The following WWOX variants were observed in gnomAD, a reference collection of about 807,000 sequenced individuals.
The protein encoded by WWOX is WW domain containing oxidoreductase, also known as WW domain-containing oxidoreductase.
A neutral mutation model predicts 46.2 loss-of-function variants in WWOX; 69 were observed. That is an observed-to-expected ratio of 1.49 (90% CI 1.23 to 1.82). The LOEUF (loss-of-function observed/expected upper bound fraction) is 1.82, where lower values mean the gene tolerates loss of function less well. Among genes scored for constraint, WWOX ranks in the 40% most tolerant of loss-of-function variants. The probability of loss-of-function intolerance (pLI) is 0.00; values close to 1 mark genes in which losing one functional copy is unlikely to be tolerated. For missense variants in WWOX, 919 were observed against 542.6 expected (o/e 1.69, Z -6.89); for synonymous variants, 359 against 202.6 (o/e 1.77, Z -6.56).
intron 8 of WWOX, among the ~76,000 whole-genome samples, chr16:78,860,420 T>A (rs1336485524): frequency 2.6e-5 from 4 of 152,172 alleles, no homozygotes; most frequent in Non-Finnish European, 5.9e-5. Context: ...TAGTATATAG[T>A]AGGCAGTCAA....
chr16:78,251,149 C>T (rs1268245911), intron 5 of WWOX, among the ~76,000 whole-genome samples: 1 of 152,174 alleles, frequency 6.6e-6, no homozygotes, highest in Admixed American at 6.5e-5. Context: ...AGTGGAATAA[C>T]TTGCCTAGTT....
At chr16:78,954,568 C>G (rs896880619) in intron 8 of WWOX, among the ~76,000 whole-genome samples, 1 of 152,184 alleles carries the variant, frequency 6.6e-6, no homozygotes, top group Non-Finnish European at 1.5e-5. Flanking sequence ...GGAGCAGCAG[C>G]GAAGGCCAAG....
intron 8 of WWOX, among the ~76,000 whole-genome samples, chr16:78,460,884 A>C (rs1254736264): frequency 6.6e-6 from 1 of 152,218 alleles, no homozygotes; most frequent in Non-Finnish European, 1.5e-5. Flanking sequence ...TGAGTTTGAA[A>C]GTGTTTTCTC....
chr16:78,814,007 C>A (rs1403487677), intron 8 of WWOX, among the ~76,000 whole-genome samples: 2 of 152,188 alleles, frequency 1.3e-5, no homozygotes. Context: ...AAGGCAACTG[C>A]TGTTTCTTTT....
chr16:78,153,227 G>C (rs767347363), intron 4 of WWOX, among the ~76,000 whole-genome samples: 11 of 152,170 alleles, frequency 7.2e-5, no homozygotes, highest in Non-Finnish European at 1.5e-4. Flanking sequence ...TGCAGATGTG[G>C]CATTGAGCAT....
intron 8 of WWOX, among the ~76,000 whole-genome samples, chr16:78,576,046 T>G (rs564030719): frequency 1.3e-5 from 2 of 152,282 alleles, no homozygotes; most frequent in Admixed American, 1.3e-4. Context: ...ATCTAGAATA[T>G]ATGGAAATCT....
intron 8 of WWOX, among the ~76,000 whole-genome samples, chr16:78,861,170 C>G (rs937060512): frequency 1.3e-5 from 2 of 151,800 alleles, no homozygotes; most frequent in African/African-American, 2.4e-5. Context: ...CTCTTTCTTC[C>G]TCTCTTTGCT....
At chr16:78,608,992 T>C (rs971024803) in intron 8 of WWOX, among the ~76,000 whole-genome samples, 5 of 152,192 alleles carry the variant, frequency 3.3e-5, no homozygotes, top group African/African-American at 1.2e-4. Context: ...CTGGGGAGCA[T>C]ATTTGATTCT....
chr16:78,316,546 T>C (rs2151879880), intron 5 of WWOX, among the ~76,000 whole-genome samples: 1 of 152,206 alleles, frequency 6.6e-6, no homozygotes, highest in Admixed American at 6.5e-5. Flanking sequence ...TTTTGCGGTG[T>C]TGGCCAGGCT....
At chr16:78,960,338 A>C (rs1279087299) in intron 8 of WWOX, among the ~76,000 whole-genome samples, 2 of 152,228 alleles carry the variant, frequency 1.3e-5, no homozygotes, top group African/African-American at 4.8e-5. Context: ...TGGTATATTC[A>C]AAACTAAGTC....
rs187365488 is a variant in WWOX, at chr16:78,843,274, G to A, written c.1057-368334G>A. Among the ~76,000 whole-genome samples, 220 of 150,154 alleles carry A rather than the reference G, an allele frequency of 1.5e-3. 15 individuals are homozygous for A. The highest frequency in any genetic ancestry group is 9.9e-3 in the East Asian group (51 of 5,126). On this transcript the variant is annotated intron_variant, in intron 8 of 8. Coordinates refer to ENST00000566780, the MANE Select transcript of WWOX (RefSeq NM_016373.4). ...ATGAGCTTGTACCTCTAAAGAATGC[G>A]ATTTTTCTATTTCTCCACCTGCAAA... is the stretch of plus-strand genomic sequence containing the variant.
chr16:78,985,787 G>A (rs960648803), intron 8 of WWOX, among the ~76,000 whole-genome samples: 10 of 152,134 alleles, frequency 6.6e-5, no homozygotes, highest in Middle Eastern at 3.2e-3. Context: ...AAAAAGAATA[G>A]GCACAGACAA....
At chr16:78,415,093 T>C (rs1167669631) in intron 6 of WWOX, among the ~76,000 whole-genome samples, 1 of 148,412 alleles carries the variant, frequency 6.7e-6, no homozygotes, top group East Asian at 1.9e-4. Flanking sequence ...TATATAATTA[T>C]AATACAATAT....
chr16:78,974,720 C>T (rs946136997), intron 8 of WWOX, among the ~76,000 whole-genome samples: 4 of 152,242 alleles, frequency 2.6e-5, no homozygotes, highest in African/African-American at 9.6e-5. Flanking sequence ...GCCACTTTGC[C>T]AAACCCCAAG....
chr16:78,225,223 G>A (rs183981177), intron 5 of WWOX, among the ~76,000 whole-genome samples: 1 of 152,278 alleles, frequency 6.6e-6, no homozygotes, highest in African/African-American at 2.4e-5. Flanking sequence ...AATGAATAGT[G>A]TAAGCAGTTG....
At chr16:78,553,892 T>A (rs1316930618) in intron 8 of WWOX, among the ~76,000 whole-genome samples, 1 of 151,874 alleles carries the variant, frequency 6.6e-6, no homozygotes. Flanking sequence ...CGTGGGAGTT[T>A]AAGAGAGCAA....
intron 8 of WWOX, among the ~76,000 whole-genome samples, chr16:78,794,190 G>A (rs750620173): frequency 2.0e-5 from 3 of 152,140 alleles, no homozygotes; most frequent in Non-Finnish European, 4.4e-5. Context: ...CTTCCACCAT[G>A]TGAGAAAACA....
chr16:78,396,350 C>G (rs1451382675), intron 6 of WWOX, among the ~76,000 whole-genome samples: 3 of 152,110 alleles, frequency 2.0e-5, no homozygotes, highest in Non-Finnish European at 4.4e-5. Context: ...AAAGTCATCA[C>G]TGCCAAGACA....
At chr16:78,955,903 C>G (rs1438393079) in intron 8 of WWOX, among the ~76,000 whole-genome samples, 1 of 151,962 alleles carries the variant, frequency 6.6e-6, no homozygotes, top group Non-Finnish European at 1.5e-5. Flanking sequence ...CCCCCTCAGC[C>G]TCCCAAAGTG....
Sources: gnomAD v4.1 joint callset for allele counts (sites outside exome capture counted in the v4.1 genomes callset) on GRCh38, gnomAD v4.1.1 for gene constraint, MANE v1.5 for transcripts, NCBI Gene and HGNC (gene_info 2026-07-23, HGNC 2026-07-21) for gene names.